PADI4: variants seen among roughly 807,000 people sequenced by gnomAD.
PADI4 encodes protein-arginine deiminase type-4.
A neutral mutation model predicts 75.0 loss-of-function variants in PADI4; 62 were observed. That is an observed-to-expected ratio of 0.83 (90% CI 0.67 to 1.02). The LOEUF (loss-of-function observed/expected upper bound fraction) is 1.02. PADI4 is among the 50% of genes least tolerant of loss of function. The pLI is 0.00. For missense variants in PADI4, 845 were observed against 850.5 expected, an observed-to-expected ratio of 0.99 and a Z score of 0.08; for synonymous variants, 361 against 348.1, an observed-to-expected ratio of 1.04 and a Z score of -0.41.
chr1:17,331,126 A>G lies in PADI4; in HGVS notation c.250A>G (p.Ser84Gly). The G allele has an allele frequency of 6.2e-7, 1 of 1,611,202 alleles. No individual in the cohort carries two copies. The highest frequency in any genetic ancestry group is 8.5e-7 in the Non-Finnish European group (1 of 1,178,786). Residue 84 changes from serine to glycine, a missense_variant, in exon 2 of 16, where the codon AGT (serine) becomes GGT (glycine). Physicochemically the swap from Ser to Gly is moderately conservative, Grantham distance 56 (BLOSUM62 0). Coordinates refer to ENST00000375448, the MANE Select transcript of PADI4 (RefSeq NM_012387.3). ...GGTGACCCTGACGATGAAAGTGGCC[A>G]GTGGTAGCACAGGCGACCAGAAGGT... Reference protein sequence around the residue: ...VEVTLTMKVASGSTGDQKVQI... With the variant: ...VEVTLTMKVAGGSTGDQKVQI...
At chr1:17,321,905 A>T (rs1419701801) in intron 1 of PADI4, among the ~76,000 whole-genome samples, 1 of 152,170 alleles carries the variant, frequency 6.6e-6, no homozygotes, top group Non-Finnish European at 1.5e-5. Context: ...AGATGAAGAA[A>T]TTTTTTTAAT....
intron 3 of PADI4, among the ~76,000 whole-genome samples, chr1:17,335,916 C>T (rs1041528132): frequency 6.6e-6 from 1 of 152,222 alleles, no homozygotes; most frequent in African/African-American, 2.4e-5. Context: ...AGTTGTGGCC[C>T]CGCTGAAGGG....
intron 1 of PADI4, among the ~76,000 whole-genome samples, chr1:17,310,873 C>T (rs1009232451): frequency 3.3e-5 from 5 of 151,924 alleles, no homozygotes; most frequent in South Asian, 2.1e-4. Flanking sequence ...CCGAGGCAGG[C>T]GGATCACAAG....
chr1:17,335,174 T>TAG (rs386366332), intron 3 of PADI4, among the ~76,000 whole-genome samples: 7 of 151,922 alleles, frequency 4.6e-5, no homozygotes, highest in African/African-American at 1.7e-4. Flanking sequence ...CATATATATA[T>TAG]AATATGTAGC....
chr1:17,351,751 T>G (rs1473641029), intron 10 of PADI4, among the ~76,000 whole-genome samples: 1 of 151,878 alleles, frequency 6.6e-6, no homozygotes, highest in African/African-American at 2.4e-5. Context: ...TGAAGAGTGT[T>G]GTAGGCAGTG....
Position 17,346,647 on chromosome 1 carries a change from C to A in PADI4, c.1047+508C>A, listed in dbSNP as rs1459933080. Among the ~76,000 whole-genome samples the A allele has an allele frequency of 6.6e-6, 1 of 152,142 alleles. No individual in the cohort carries two copies. Among genetic ancestry groups the A allele is most frequent in the Non-Finnish European group, 1.5e-5 (1 of 68,024 alleles). ...TACCAGTCTCTGTTTCCGTGCCACTCCCCCATCATGCCAGGAGTGCCCCAA... is the reference window on the plus strand; with the variant it reads ...TACCAGTCTCTGTTTCCGTGCCACTACCCCATCATGCCAGGAGTGCCCCAA... On this transcript the variant is annotated intron_variant, in intron 9 of 15. Transcript: ENST00000375448. This position sits in a 1 kb window ranked among gnomAD's most constrained non-coding sequence, Gnocchi z 4.3.
At chr1:17,348,236 G>T in intron 10 of PADI4, 188 bp downstream of exon 10, 1 of 485,280 alleles carries the variant, frequency 2.1e-6, no homozygotes. Context: ...ATAAGATCTG[G>T]CTCTTCATTT....
chr1:17,351,957 G>A (rs113085457), intron 10 of PADI4, among the ~76,000 whole-genome samples: 4,020 of 96,312 alleles, frequency 0.042, 114 homozygotes, highest in Non-Finnish European at 0.056. Flanking sequence ...GGAGGTGGGA[G>A]GAGAGGCGGC....
In PADI4 at chr1:17,359,299, G is replaced by C. The variant is rs372008075; in HGVS notation, c.1649G>C (p.Arg550Pro). ...CCCAAGAGATGCATCGACTGGAACC[G>C]CGAGCTGCTGAAGCGGGAGCTGGGC... is the stretch of plus-strand genomic sequence containing the variant. ...SFVERCIDWN[R>P]ELLKRELGLA... The change falls in exon 15 of 16, where the codon CGC becomes CCC. Residue 550 changes from arginine to proline, a missense_variant. By Grantham distance (103) the Arg-to-Pro change is moderately radical (BLOSUM62 -2). Coordinates refer to ENST00000375448, the MANE Select transcript of PADI4 (RefSeq NM_012387.3). The C allele has an allele frequency of 3.8e-5, 53 of 1,399,280 alleles. No homozygotes were observed. The highest frequency in any genetic ancestry group is 4.5e-5 in the Non-Finnish European group (47 of 1,047,776). The allele number at this position is 1,399,280 out of a possible 1,614,324, so 86.7% of individuals were successfully genotyped here.
chr1:17,351,930 C>CAGTCAGGGAGCTGATGGGA (rs2074635587), intron 10 of PADI4, among the ~76,000 whole-genome samples: 3 of 146,840 alleles, frequency 2.0e-5, no homozygotes, highest in East Asian at 2.0e-4. Flanking sequence ...GTAGGAGAGG[C>CAGTCAGGGAGCTGATGGGA]GGTCAGGGAG....
chr1:17,354,583 T>C lies in PADI4; in HGVS notation c.1206T>C (p.Ser402=). 1.9e-6 allele frequency: 3 copies of C among 1,614,132 alleles called. No individual in the cohort carries two copies. The highest frequency in any genetic ancestry group is 2.2e-5 in the South Asian group (2 of 91,086). ...GAGGGCCCCAAACAGGGGGTATCAG[T>C]GGACTGGACTCCTTTGGGAACCTGG... ...VTRGPQTGGI[S]GLDSFGNLEV... is the part of the protein sequence containing the mutation. Residue 402 remains serine, a synonymous_variant, in exon 11 of 16, where the codon AGT becomes AGC. Coordinates refer to ENST00000375448, the MANE Select transcript of PADI4 (RefSeq NM_012387.3).
intron 1 of PADI4, among the ~76,000 whole-genome samples, chr1:17,330,026 T>G (rs2074181712): frequency 6.6e-6 from 1 of 152,216 alleles, no homozygotes; most frequent in African/African-American, 2.4e-5. Context: ...GAGTACCTGG[T>G]CTGCCACAAT....
intron 1 of PADI4, among the ~76,000 whole-genome samples, chr1:17,311,239 G>A (rs528335006): frequency 7.9e-5 from 12 of 152,034 alleles, no homozygotes; most frequent in Non-Finnish European, 1.6e-4. Context: ...CTCCAGCAAG[G>A]GCAACAGAGT....
chr1:17,336,173 G>A lies in PADI4; in HGVS notation c.355G>A (p.Ala119Thr). ...TGGGATTTCAGAAATCTCCTTGTGC[G>A]CAGACATCACCCGCACCGGCAAAGT... ...YLTGVEISLC[A>T]DITRTGKVKP... is the part of the protein sequence containing the mutation. Residue 119 changes from alanine (A) to threonine (T), a missense_variant, in exon 4 of 16, where the codon GCA becomes ACA. Coordinates refer to ENST00000375448, the MANE Select transcript of PADI4 (RefSeq NM_012387.3). The A allele has an allele frequency of 1.2e-6, 2 of 1,612,710 alleles. No individual in the cohort carries two copies. Among genetic ancestry groups the A allele is most frequent in the Non-Finnish European group, 8.5e-7 (1 of 1,178,752 alleles).
At chr1:17,331,241 T>G in intron 2 of PADI4, 92 bp downstream of exon 2, 1 of 1,102,718 alleles carries the variant, frequency 9.1e-7, no homozygotes. Context: ...AGCACCAGCC[T>G]GGCAGAGCCT....
At chr1:17,308,601 C>G (rs116766474) in intron 1 of PADI4, among the ~76,000 whole-genome samples, 1 of 152,188 alleles carries the variant, frequency 6.6e-6, no homozygotes, top group South Asian at 2.1e-4. Flanking sequence ...ATCGAGGCAA[C>G]AGAAGCTTAC....
At chr1:17,329,601 A>G (rs1486156312) in intron 1 of PADI4, among the ~76,000 whole-genome samples, 3 of 152,126 alleles carry the variant, frequency 2.0e-5, no homozygotes, top group African/African-American at 7.2e-5. Flanking sequence ...CTGAGGAGGA[A>G]GGGGGGTTGG....
intron 10 of PADI4, chr1:17,348,255 C>G (rs995798060): frequency 1.8e-5 from 8 of 447,436 alleles, no homozygotes; most frequent in South Asian, 3.6e-5. Flanking sequence ...TTCCCAAAAC[C>G]CTTGTCACCC....
chr1:17,346,291 G>A lies in PADI4; in HGVS notation c.1047+152G>A. On this transcript the variant is annotated intron_variant, in intron 9 of 15. Coordinates refer to ENST00000375448, the MANE Select transcript of PADI4 (RefSeq NM_012387.3). This position sits in a 1 kb window ranked among gnomAD's most constrained non-coding sequence, Gnocchi z 4.3. The stretch of plus-strand genomic sequence containing the variant: ...GGAACCTGAGAGATCCTTGGGCCGG[G>A]AGGCTCAAGCAAGTGATTCATCTGA... 1 of 601,600 alleles carries A rather than the reference G, an allele frequency of 1.7e-6. No individual in the cohort carries two copies. The highest frequency in any genetic ancestry group is 3.0e-6 in the Non-Finnish European group (1 of 333,056). 37.3% of individuals were successfully genotyped at this position (601,600 alleles called of 1,614,324 possible). A position where few individuals can be genotyped will look rare whatever the true frequency, so the allele number is the denominator to read the frequency against.
Sources: allele counts gnomAD v4.1 joint callset (sites outside exome capture counted in the v4.1 genomes callset), GRCh38; gene constraint gnomAD v4.1.1; non-coding constraint Gnocchi (gnomAD v3.1); transcripts MANE v1.5; gene names NCBI Gene and HGNC (gene_info 2026-07-23, HGNC 2026-07-21).